Variants in DGKB observed in about 807,000 individuals in gnomAD.
DGKB encodes the protein 90 kDa diacylglycerol kinase.
A neutral mutation model predicts 114.3 loss-of-function variants in DGKB; 67 were observed. The ratio of observed to expected loss-of-function variants is 0.59; its 90% CI spans 0.48 to 0.72. The LOEUF is 0.72. Ranked by LOEUF, DGKB falls within the 30% of genes least tolerant of loss-of-function variation. The pLI is 0.00. For missense variants in DGKB, 907 were observed against 975.2 expected (o/e 0.93, Z 0.93); for synonymous variants, 398 against 323.1 (o/e 1.23, Z -2.49).
At chr7:14,909,010 AC>A (rs34318896) in intron 1 of DGKB, among the ~76,000 whole-genome samples, 14,610 of 152,222 alleles carry the variant, frequency 0.096, 976 homozygotes, top group Middle Eastern at 0.16. Flanking sequence ...TCAGTCTATG[AC>A]TGGCTGGAAG....
At chr7:14,298,618 G>A (rs1397857210) in intron 23 of DGKB, among the ~76,000 whole-genome samples, 3 of 152,122 alleles carry the variant, frequency 2.0e-5, no homozygotes, top group African/African-American at 7.2e-5. Context: ...ATACCACTCA[G>A]GGCATAGGCA....
intron 20 of DGKB, among the ~76,000 whole-genome samples, chr7:14,483,987 T>C (rs1287698597): frequency 1.3e-5 from 2 of 152,136 alleles, no homozygotes; most frequent in East Asian, 3.9e-4. Context: ...TGTGGTAATT[T>C]GTTACAGCAG....
chr7:14,614,525 A>G (rs914366294), intron 15 of DGKB, among the ~76,000 whole-genome samples: 3 of 152,078 alleles, frequency 2.0e-5, no homozygotes, highest in Non-Finnish European at 4.4e-5. Flanking sequence ...TCCCCTAGAA[A>G]GTAGTCTTAA....
At chr7:14,355,320 T>G (rs939132883) in intron 21 of DGKB, among the ~76,000 whole-genome samples, 1 of 152,224 alleles carries the variant, frequency 6.6e-6, no homozygotes, top group Admixed American at 6.5e-5. Flanking sequence ...CTATGTTGAA[T>G]AGGAGTGGTG....
intron 1 of DGKB, among the ~76,000 whole-genome samples, chr7:14,923,099 G>A (rs757694695): frequency 3.3e-5 from 5 of 152,188 alleles, no homozygotes; most frequent in Admixed American, 1.3e-4. Context: ...TACACAGTTT[G>A]AAGTTTTATT....
chr7:14,406,797 A>G (rs1304753422), intron 21 of DGKB, among the ~76,000 whole-genome samples: 2 of 152,104 alleles, frequency 1.3e-5, no homozygotes, highest in Non-Finnish European at 2.9e-5. Flanking sequence ...CATCTTATGG[A>G]ATTACTCAAG....
chr7:14,860,571 C>A (rs1850829448), intron 1 of DGKB, among the ~76,000 whole-genome samples: 1 of 151,972 alleles, frequency 6.6e-6, no homozygotes, highest in South Asian at 2.1e-4. Flanking sequence ...GTTTTTGTCA[C>A]CTCTTATAAA....
intron 23 of DGKB, among the ~76,000 whole-genome samples, chr7:14,304,087 A>ACACACACACACACACACACACTCT (rs140836395): frequency 3.5e-4 from 39 of 110,118 alleles, no homozygotes; most frequent in African/African-American, 9.8e-4. Context: ...ACACACACAC[A>ACACACACACACACACACACACTCT]CTCTCTCTCT....
At chr7:14,430,532 C>A (rs1455663310) in intron 21 of DGKB, among the ~76,000 whole-genome samples, 1 of 152,116 alleles carries the variant, frequency 6.6e-6, no homozygotes, top group Non-Finnish European at 1.5e-5. Flanking sequence ...TTTAAAATTT[C>A]AAATTTCTAT....
intron 21 of DGKB, among the ~76,000 whole-genome samples, chr7:14,356,351 T>C (rs1190433449): frequency 2.8e-5 from 4 of 144,646 alleles, no homozygotes; most frequent in Non-Finnish European, 4.5e-5. Flanking sequence ...CTTCTCTAGT[T>C]CTTTTTTTTT....
upstream of DGKB, among the ~76,000 whole-genome samples, chr7:14,906,730 C>T (rs1214603046): frequency 3.9e-5 from 6 of 152,076 alleles, no homozygotes; most frequent in Non-Finnish European, 1.5e-5. Flanking sequence ...GGATTACAGG[C>T]GTGAGCCACA....
intron 23 of DGKB, among the ~76,000 whole-genome samples, chr7:14,184,352 CA>C (rs1401950163): frequency 2.0e-5 from 3 of 152,152 alleles, no homozygotes; most frequent in African/African-American, 7.2e-5. Flanking sequence ...GGGGAAGAAC[CA>C]AGACCTTTTC....
At chr7:14,508,476 T>G (rs1264907353) in intron 20 of DGKB, among the ~76,000 whole-genome samples, 1 of 152,190 alleles carries the variant, frequency 6.6e-6, no homozygotes, top group Non-Finnish European at 1.5e-5. Flanking sequence ...AGCTATTGTA[T>G]CTCCTGAAGG....
At chr7:14,882,520 GC>G (rs1854394842) in intron 1 of DGKB, among the ~76,000 whole-genome samples, 1 of 151,950 alleles carries the variant, frequency 6.6e-6, no homozygotes, top group Non-Finnish European at 1.5e-5. Context: ...TCAAGTCAGA[GC>G]TTTTGGTGTA....
At chr7:14,817,088 T>C (rs114207873) in intron 2 of DGKB, among the ~76,000 whole-genome samples, 154 of 152,302 alleles carry the variant, frequency 1.0e-3, no homozygotes, top group African/African-American at 3.6e-3. Context: ...CACTATATTA[T>C]ATAAGGGCTA....
intron 23 of DGKB, among the ~76,000 whole-genome samples, chr7:14,331,407 G>A (rs75598014): frequency 0.049 from 7,507 of 151,712 alleles, 568 homozygotes; most frequent in African/African-American, 0.17. Context: ...GTGTTTGAAC[G>A]CCAAATACAT....
chr7:14,801,730 G>A (rs930880080), intron 2 of DGKB, among the ~76,000 whole-genome samples: 4 of 151,922 alleles, frequency 2.6e-5, no homozygotes, highest in African/African-American at 7.2e-5. Context: ...TTCCTGGATC[G>A]CCAGCTTGTA....
intron 21 of DGKB, among the ~76,000 whole-genome samples, chr7:14,388,934 G>C (rs980035187): frequency 6.6e-6 from 1 of 152,130 alleles, no homozygotes; most frequent in Non-Finnish European, 1.5e-5. Context: ...TTACCCCTTT[G>C]TTAACTCATT....
intron 21 of DGKB, among the ~76,000 whole-genome samples, chr7:14,471,771 T>C (rs1004312834): frequency 6.6e-6 from 1 of 152,070 alleles, no homozygotes; most frequent in Admixed American, 6.6e-5. Context: ...ATAAAGGTAG[T>C]AAGATATATA....
Sources: allele counts gnomAD v4.1 joint callset (sites outside exome capture counted in the v4.1 genomes callset), GRCh38; gene constraint gnomAD v4.1.1; transcripts MANE v1.5; gene names NCBI Gene and HGNC (gene_info 2026-07-23, HGNC 2026-07-21).